The following MACROD2 variants were observed in gnomAD, a reference collection of about 807,000 sequenced individuals.
The protein encoded by MACROD2 is mono-ADP ribosylhydrolase 2, also known as ADP-ribose glycohydrolase MACROD2.
MACROD2 carries 36 observed loss-of-function variants against 70.4 expected under a neutral mutation model. That is an observed-to-expected ratio of 0.51 (90% confidence interval 0.39 to 0.68). The LOEUF (loss-of-function observed/expected upper bound fraction) is 0.68. MACROD2 is among the 30% of genes least tolerant of loss of function. MACROD2 has a pLI of 0.00. For missense variants in MACROD2, 496 were observed against 538.4 expected (o/e 0.92, Z 0.78); for synonymous variants, 172 against 178.8 (o/e 0.96, Z 0.30).
intron 5 of MACROD2, among the ~76,000 whole-genome samples, chr20:15,050,343 T>A (rs1217446497): frequency 6.6e-6 from 1 of 152,192 alleles, no homozygotes; most frequent in East Asian, 1.9e-4. Flanking sequence ...TTAAAGAATT[T>A]TGAAAAGCAC....
intron 8 of MACROD2, among the ~76,000 whole-genome samples, chr20:15,678,876 A>T (rs528313775): frequency 3.8e-4 from 58 of 152,246 alleles, no homozygotes; most frequent in African/African-American, 1.3e-3. Flanking sequence ...ATTTTCTATG[A>T]CAGGAATATT....
chr20:14,485,510 G>T (rs1300124870), intron 3 of MACROD2, among the ~76,000 whole-genome samples: 1 of 152,010 alleles, frequency 6.6e-6, no homozygotes, highest in Non-Finnish European at 1.5e-5. Context: ...GATCATCCTG[G>T]CTAACACGGT....
intron 6 of MACROD2, among the ~76,000 whole-genome samples, chr20:15,369,164 A>G (rs2045456114): frequency 6.6e-6 from 1 of 152,218 alleles, no homozygotes; most frequent in Admixed American, 6.5e-5. Flanking sequence ...ACTAAGTGAG[A>G]AAAAAATTAG....
At chr20:15,932,083 C>T (rs1348510693) in intron 10 of MACROD2, among the ~76,000 whole-genome samples, 3 of 152,160 alleles carry the variant, frequency 2.0e-5, no homozygotes, top group African/African-American at 7.2e-5. Flanking sequence ...GATGTCTCTT[C>T]TGCTCCTTGT....
intron 5 of MACROD2, among the ~76,000 whole-genome samples, chr20:15,079,019 G>A (rs2075682036): frequency 6.6e-6 from 1 of 152,042 alleles, no homozygotes; most frequent in African/African-American, 2.4e-5. Flanking sequence ...TTCTCATCCA[G>A]TTCTGTTCAT....
rs190918865 is a variant in MACROD2, at chr20:14,842,021, T to A, written c.418+157062T>A. On this transcript the variant is annotated intron_variant, in intron 5 of 17. Coordinates refer to ENST00000684519, the MANE Select transcript of MACROD2 (RefSeq NM_001351661.2). ...GGTAACTTACAAAGAAAAGAGGTTT[T>A]TTGTTTGTTTGTTTGTTTGTTTATT... 3.6e-5 allele frequency among the ~76,000 whole-genome samples: 4 copies of A among 112,000 alleles called. No individual in the cohort carries two copies. The East Asian group carries it at 1.2e-3, about 35-fold the overall frequency. The allele number at this position is 112,000 out of a possible 152,430, so 73.5% of individuals were successfully genotyped here. A position where few individuals can be genotyped will look rare whatever the true frequency, so the allele number is the denominator to read the frequency against.
chr20:14,155,432 A>G (rs186340626), intron 3 of MACROD2, among the ~76,000 whole-genome samples: 56 of 152,248 alleles, frequency 3.7e-4, no homozygotes, highest in African/African-American at 1.2e-3. Flanking sequence ...TCGGTATGCT[A>G]TTTCACGTAT....
intron 7 of MACROD2, among the ~76,000 whole-genome samples, chr20:15,457,568 T>C (rs1280791913): frequency 6.6e-6 from 1 of 152,166 alleles, no homozygotes; most frequent in Non-Finnish European, 1.5e-5. Flanking sequence ...TGAGCTTTAC[T>C]CCAGTACCGT....
chr20:16,021,726 G>A (rs1441265572), intron 15 of MACROD2, among the ~76,000 whole-genome samples: 3 of 152,098 alleles, frequency 2.0e-5, no homozygotes, highest in East Asian at 1.9e-4. Context: ...AACCTGAATC[G>A]CAATGAGGTT....
At chr20:14,267,874 C>G (rs1444058742) in intron 3 of MACROD2, among the ~76,000 whole-genome samples, 1 of 151,812 alleles carries the variant, frequency 6.6e-6, no homozygotes, top group Non-Finnish European at 1.5e-5. Flanking sequence ...TTCATAGACC[C>G]CTGAAAACCA....
chr20:15,156,924 T>A (rs2076310826), intron 5 of MACROD2, among the ~76,000 whole-genome samples: 1 of 152,246 alleles, frequency 6.6e-6, no homozygotes, highest in East Asian at 1.9e-4. Flanking sequence ...TAAAAAGTTT[T>A]AAATTTCATC....
intron 3 of MACROD2, among the ~76,000 whole-genome samples, chr20:14,349,134 T>G (rs1038257794): frequency 6.6e-6 from 1 of 150,940 alleles, no homozygotes; most frequent in Non-Finnish European, 1.5e-5. Context: ...CTATCCAGTA[T>G]TAACATTGGG....
At chr20:15,032,049 C>T (rs1490840320) in intron 5 of MACROD2, among the ~76,000 whole-genome samples, 1 of 152,212 alleles carries the variant, frequency 6.6e-6, no homozygotes, top group Non-Finnish European at 1.5e-5. Context: ...CATGTCAGCG[C>T]TGCCTCAAGG....
intron 5 of MACROD2, among the ~76,000 whole-genome samples, chr20:15,143,945 T>TGA (rs756336266): frequency 7.6e-6 from 1 of 131,952 alleles, no homozygotes; most frequent in Non-Finnish European, 1.6e-5. Context: ...GCTGATGAGC[T>TGA]AAAAAAAAAA....
At chr20:14,049,660 G>A (rs887732092) in intron 2 of MACROD2, among the ~76,000 whole-genome samples, 8 of 151,950 alleles carry the variant, frequency 5.3e-5, no homozygotes, top group Admixed American at 3.9e-4. Flanking sequence ...GGCTGAGGCA[G>A]GAAAATCGCT....
intron 2 of MACROD2, among the ~76,000 whole-genome samples, chr20:14,054,188 A>G (rs965316149): frequency 2.0e-5 from 3 of 151,412 alleles, no homozygotes; most frequent in Admixed American, 6.6e-5. Context: ...TTTGGAATCT[A>G]GTATGATCCA....
intron 3 of MACROD2, among the ~76,000 whole-genome samples, chr20:14,216,338 G>T (rs922204629): frequency 2.0e-5 from 3 of 151,974 alleles, no homozygotes; most frequent in Non-Finnish European, 4.4e-5. Flanking sequence ...TTATTTCTGG[G>T]CTCTCTATTC....
intron 3 of MACROD2, among the ~76,000 whole-genome samples, chr20:14,415,083 A>T (rs542440225): frequency 6.6e-6 from 1 of 152,204 alleles, no homozygotes; most frequent in Non-Finnish European, 1.5e-5. Context: ...TATCTAAAAT[A>T]GTGCTTGTCA....
chr20:14,970,915 C>A (rs2074684980), intron 5 of MACROD2, among the ~76,000 whole-genome samples: 1 of 151,794 alleles, frequency 6.6e-6, no homozygotes, highest in Non-Finnish European at 1.5e-5. Flanking sequence ...CCATGCTCAG[C>A]AAAAAAACAG....
Sources: allele counts gnomAD v4.1 joint callset (sites outside exome capture counted in the v4.1 genomes callset), GRCh38; gene constraint gnomAD v4.1.1; transcripts MANE v1.5; gene names NCBI Gene and HGNC (gene_info 2026-07-23, HGNC 2026-07-21).